Variants in RSRC1 observed in about 807,000 individuals in gnomAD.
RSRC1 encodes the protein serine/Arginine-related protein 53.
In RSRC1, 39 loss-of-function variants were observed where a neutral mutation model predicts 49.1. The ratio of observed to expected loss-of-function variants is 0.79; its 90% confidence interval spans 0.61 to 1.04. RSRC1 has a LOEUF of 1.04. Among genes scored for constraint, RSRC1 ranks in the 50% least tolerant of loss-of-function variants. The pLI is 0.00. For synonymous variants in RSRC1, 143 were observed against 130.8 expected, an observed-to-expected ratio of 1.09 and a Z score of -0.63; for missense variants, 388 against 402.4, an observed-to-expected ratio of 0.96 and a Z score of 0.31.
intron 6 of RSRC1, among the ~76,000 whole-genome samples, chr3:158,452,697 A>G (rs1334425021): frequency 1.3e-5 from 2 of 152,244 alleles, no homozygotes; most frequent in Non-Finnish European, 2.9e-5. Flanking sequence ...GTTTTTATTT[A>G]CAGTTAATTA....
At position 158,123,939 on chromosome 3, in the gene RSRC1, C is replaced by G. The variant is rs1183090232; in HGVS notation, c.268C>G (p.Arg90Gly). 2 of 1,612,602 alleles carry G rather than the reference C, an allele frequency of 1.2e-6. No homozygotes were observed. The highest frequency in any genetic ancestry group is 1.7e-5 in the Admixed American group (1 of 59,960). ...ACGAAGTCGAAGTCGTTCAAGGGGT[C>G]GAGGGAAATCCTATAGAGTTCAGAG... ...RKRSRSRSRG[R>G]GKSYRVQRSR... The change falls in exon 3 of 10, where the codon CGA becomes GGA. Residue 90 changes from arginine to glycine, a missense_variant. Coordinates refer to ENST00000611884, the MANE Select transcript of RSRC1 (RefSeq NM_001271838.2).
intron 1 of RSRC1, among the ~76,000 whole-genome samples, chr3:158,115,849 T>C (rs989691403): frequency 1.3e-4 from 20 of 152,208 alleles, no homozygotes; most frequent in African/African-American, 4.8e-4. Flanking sequence ...TCTTTCGTAT[T>C]ACACCAAAAA....
intron 4 of RSRC1, among the ~76,000 whole-genome samples, chr3:158,233,935 C>T (rs9815707): frequency 1.2e-4 from 18 of 152,102 alleles, no homozygotes; most frequent in Admixed American, 7.2e-4. Context: ...CTCTATCTCC[C>T]TGGATAACCT....
intron 4 of RSRC1, among the ~76,000 whole-genome samples, chr3:158,256,617 A>C (rs564077432): frequency 3.3e-5 from 5 of 151,972 alleles, no homozygotes; most frequent in Non-Finnish European, 1.5e-5. Flanking sequence ...CTCTTTTTCT[A>C]TTGATTGGAA....
intron 3 of RSRC1, among the ~76,000 whole-genome samples, chr3:158,188,681 A>G (rs827157): frequency 0.66 from 99,497 of 151,660 alleles, 32,877 homozygotes; most frequent in East Asian, 0.84. Context: ...AACCCATATG[A>G]GCAAAAGGTG....
At chr3:158,475,723 CCT>C (rs3037125) in intron 7 of RSRC1, among the ~76,000 whole-genome samples, 74,983 of 148,692 alleles carry the variant, frequency 0.5, 18,891 homozygotes, top group South Asian at 0.6. Flanking sequence ...ACTGGCTATT[CCT>C]CTCTCTCTCT....
chr3:158,532,555 A>G (rs1712465109), intron 7 of RSRC1, among the ~76,000 whole-genome samples: 1 of 151,926 alleles, frequency 6.6e-6, no homozygotes. Flanking sequence ...TACTATAAAC[A>G]TCAACAGTAA....
intron 3 of RSRC1, among the ~76,000 whole-genome samples, chr3:158,160,519 G>A (rs534035685): frequency 2.6e-5 from 4 of 152,136 alleles, no homozygotes; most frequent in African/African-American, 9.6e-5. Context: ...TGTTTTTCCT[G>A]TAGAAAAATA....
At chr3:158,351,466 A>G (rs1012225954) in intron 5 of RSRC1, among the ~76,000 whole-genome samples, 2 of 152,258 alleles carry the variant, frequency 1.3e-5, no homozygotes, top group South Asian at 2.1e-4. Flanking sequence ...AGTTTGATCA[A>G]TGTAACAGTA....
intron 5 of RSRC1, among the ~76,000 whole-genome samples, chr3:158,316,546 G>A (rs374108583): frequency 1.8e-4 from 25 of 142,262 alleles, no homozygotes; most frequent in African/African-American, 3.1e-4. Context: ...CGGGGTTCAC[G>A]CCATTCTCCT....
chr3:158,533,018 A>T (rs997799701), intron 7 of RSRC1, among the ~76,000 whole-genome samples: 1 of 151,760 alleles, frequency 6.6e-6, no homozygotes, highest in African/African-American at 2.4e-5. Context: ...TAAGAAACTG[A>T]ATTTAAAACA....
chr3:158,319,118 A>G (rs1473236564), intron 5 of RSRC1, among the ~76,000 whole-genome samples: 2 of 152,124 alleles, frequency 1.3e-5, no homozygotes, highest in East Asian at 1.9e-4. Context: ...GATGTCTGAT[A>G]TGGTTTGGCT....
intron 7 of RSRC1, among the ~76,000 whole-genome samples, chr3:158,476,442 A>G (rs1303132572): frequency 2.0e-5 from 3 of 152,162 alleles, no homozygotes; most frequent in African/African-American, 7.2e-5. Context: ...AGCTTCGAAG[A>G]ACAGGCTGAC....
intron 5 of RSRC1, among the ~76,000 whole-genome samples, chr3:158,312,021 G>C (rs951113): frequency 0.12 from 18,354 of 152,036 alleles, 1,378 homozygotes; most frequent in Middle Eastern, 0.2. Context: ...AGAAGGAAAA[G>C]CAAGTGGACA....
chr3:158,332,328 T>C (rs2108197224), intron 5 of RSRC1, among the ~76,000 whole-genome samples: 1 of 152,290 alleles, frequency 6.6e-6, no homozygotes, highest in African/African-American at 2.4e-5. Context: ...AAAACATCCG[T>C]GTTTGATCAT....
chr3:158,201,913 A>C lies in RSRC1; in HGVS notation c.321-1159A>C, dbSNP rs746563795. On this transcript the variant is annotated intron_variant, in intron 3 of 9. Transcript: ENST00000611884. ...TGAGTTTTTATCCTGGACAAAGTGA[A>C]TATCATATTATGAATACTCTGTTAT... Among the ~76,000 whole-genome samples the C allele has an allele frequency of 2.6e-5, 4 of 152,182 alleles. 1 individual carries two copies. The highest frequency in any genetic ancestry group is 9.7e-5 in the African/African-American group (4 of 41,438).
intron 7 of RSRC1, among the ~76,000 whole-genome samples, chr3:158,485,344 G>A (rs936163981): frequency 4.6e-5 from 7 of 151,884 alleles, no homozygotes; most frequent in Admixed American, 3.9e-4. Flanking sequence ...GGAAACCATG[G>A]TGCTAAAAGC....
intron 3 of RSRC1, among the ~76,000 whole-genome samples, chr3:158,199,786 G>C (rs1720921047): frequency 6.6e-6 from 1 of 152,044 alleles, no homozygotes; most frequent in African/African-American, 2.4e-5. Context: ...TTATTTAAAA[G>C]TGGATTATTT....
intron 5 of RSRC1, among the ~76,000 whole-genome samples, chr3:158,354,295 T>C (rs1172623742): frequency 6.6e-6 from 1 of 152,166 alleles, no homozygotes; most frequent in East Asian, 1.9e-4. Flanking sequence ...GGCTGGAAAT[T>C]AGTTTAGTTT....
Sources: allele counts gnomAD v4.1 joint callset (sites outside exome capture counted in the v4.1 genomes callset), GRCh38; gene constraint gnomAD v4.1.1; transcripts MANE v1.5; gene names NCBI Gene and HGNC (gene_info 2026-07-23, HGNC 2026-07-21).